NEK10: variants seen among roughly 807,000 people sequenced by gnomAD.
The protein encoded by NEK10 is NIMA related kinase 10.
Under a neutral mutation model 159.8 loss-of-function variants are expected in NEK10, and 122 were observed. The observed-to-expected ratio is 0.76, with a 90% CI of 0.66 to 0.89. The LOEUF is 0.89. NEK10 is among the 40% of genes least tolerant of loss of function. NEK10 has a pLI of 0.00. For synonymous variants in NEK10, 466 were observed against 457.1 expected, an observed-to-expected ratio of 1.02 and a Z score of -0.25; for missense variants, 1,342 against 1,323.1, an observed-to-expected ratio of 1.01 and a Z score of -0.22.
chr3:27,322,283 A>T (rs2045698080), intron 5 of NEK10, 22 bp from the exon 6 acceptor site: 1 of 1,406,212 alleles, frequency 7.1e-7, no homozygotes, highest in Non-Finnish European at 9.9e-7. Context: ...AAACAAGAGA[A>T]CATGTTCACG....
intron 23 of NEK10, among the ~76,000 whole-genome samples, chr3:27,252,385 T>C (rs1955759126): frequency 6.6e-6 from 1 of 152,186 alleles, no homozygotes; most frequent in South Asian, 2.1e-4. Flanking sequence ...AGGAGGAGTA[T>C]TTTGGAGATC....
At chr3:27,288,643 T>C (rs1010321655) in intron 19 of NEK10, among the ~76,000 whole-genome samples, 1 of 152,238 alleles carries the variant, frequency 6.6e-6, no homozygotes, top group Non-Finnish European at 1.5e-5. Context: ...TTTTAAAAAA[T>C]GGTGCAATTT....
intron 29 of NEK10, 128 bp from the exon 30 acceptor site, chr3:27,162,866 A>C: frequency 3.2e-6 from 4 of 1,243,098 alleles, no homozygotes; most frequent in Non-Finnish European, 4.5e-6. Flanking sequence ...AGATGCTCTC[A>C]AGAGTTTAAT....
intron 22 of NEK10, among the ~76,000 whole-genome samples, chr3:27,278,157 C>CAGGCTGTATTTTGCCACTGTTTT (rs1247501795): frequency 6.6e-6 from 1 of 152,234 alleles, no homozygotes; most frequent in Admixed American, 6.5e-5. Flanking sequence ...ATTTGTCCCA[C>CAGGCTGTATTTTGCCACTGTTTT]AGGCTGTATT....
At chr3:27,134,315 G>T (rs748425363) in intron 31 of NEK10, among the ~76,000 whole-genome samples, 1 of 152,180 alleles carries the variant, frequency 6.6e-6, no homozygotes, top group Non-Finnish European at 1.5e-5. Flanking sequence ...GCACAGGTTT[G>T]ATAATTCCCT....
intron 23 of NEK10, among the ~76,000 whole-genome samples, chr3:27,233,662 T>C (rs1953568703): frequency 6.6e-6 from 1 of 151,674 alleles, no homozygotes; most frequent in African/African-American, 2.4e-5. Context: ...AACCAACAAG[T>C]GGATAAAGAA....
At chr3:27,269,267 C>A (rs2041145596) in intron 22 of NEK10, among the ~76,000 whole-genome samples, 1 of 152,216 alleles carries the variant, frequency 6.6e-6, no homozygotes, top group Admixed American at 6.5e-5. Context: ...AGAGGATTGA[C>A]TCCAATTTTG....
At chr3:27,177,438 G>C (rs953397208) in intron 26 of NEK10, among the ~76,000 whole-genome samples, 4 of 151,916 alleles carry the variant, frequency 2.6e-5, no homozygotes, top group African/African-American at 9.7e-5. Flanking sequence ...CCAGCTACTC[G>C]GGAGGCTGAA....
intron 23 of NEK10, among the ~76,000 whole-genome samples, chr3:27,240,874 G>A (rs1168861331): frequency 3.3e-5 from 5 of 152,110 alleles, no homozygotes; most frequent in Admixed American, 6.5e-5. Flanking sequence ...GGCTGGTCTC[G>A]AACTCCTGAC....
At chr3:27,154,486 C>T (rs1945208898) in intron 30 of NEK10, among the ~76,000 whole-genome samples, 1 of 152,012 alleles carries the variant, frequency 6.6e-6, no homozygotes, top group Non-Finnish European at 1.5e-5. Context: ...CAGGATAGGA[C>T]ATAATCAAAA....
chr3:27,166,726 CA>C (rs1337135598), intron 29 of NEK10, among the ~76,000 whole-genome samples: 2 of 151,926 alleles, frequency 1.3e-5, no homozygotes, highest in Admixed American at 1.3e-4. Flanking sequence ...TTGGGAGGCC[CA>C]GGGGGGTGGA....
At chr3:27,255,907 AAAAGAG>A (rs1956121611) in intron 23 of NEK10, among the ~76,000 whole-genome samples, 1 of 152,200 alleles carries the variant, frequency 6.6e-6, no homozygotes, top group Non-Finnish European at 1.5e-5. Context: ...TTATAGGTAG[AAAAGAG>A]AAAAAGAGTC....
chr3:27,191,848 T>G (rs544387518), intron 26 of NEK10, among the ~76,000 whole-genome samples, 181 bp downstream of exon 26: 1 of 152,364 alleles, frequency 6.6e-6, no homozygotes, highest in South Asian at 2.1e-4. Context: ...GGAAGGTCAG[T>G]TATATTTATT....
intron 22 of NEK10, among the ~76,000 whole-genome samples, chr3:27,258,589 G>A (rs1190063473): frequency 6.6e-6 from 1 of 152,106 alleles, no homozygotes; most frequent in Non-Finnish European, 1.5e-5. Flanking sequence ...TGGTGTATAT[G>A]TGCCACATTT....
chr3:27,249,776 GT>G (rs1955467964), intron 23 of NEK10, among the ~76,000 whole-genome samples: 2 of 152,060 alleles, frequency 1.3e-5, no homozygotes, highest in Admixed American at 6.5e-5. Context: ...ATGTTTTCTG[GT>G]TGTTTTGGGG....
intron 26 of NEK10, among the ~76,000 whole-genome samples, chr3:27,181,697 AG>A (rs1002707746): frequency 3.0e-4 from 46 of 152,256 alleles, no homozygotes; most frequent in African/African-American, 1.0e-3. Flanking sequence ...TTTTGTTCAT[AG>A]CACTTAAATA....
At chr3:27,244,313 C>T (rs1399319762) in intron 23 of NEK10, among the ~76,000 whole-genome samples, 1 of 152,156 alleles carries the variant, frequency 6.6e-6, no homozygotes, top group African/African-American at 2.4e-5. Flanking sequence ...TTGAACATCC[C>T]CTAGCAGGGA....
At chr3:27,315,806 G>A (rs1304645606) in intron 6 of NEK10, among the ~76,000 whole-genome samples, 1 of 152,170 alleles carries the variant, frequency 6.6e-6, no homozygotes, top group Non-Finnish European at 1.5e-5. Flanking sequence ...GTGTTACGAG[G>A]CGCCAGAATA....
chr3:27,169,617 A>G (rs966476551), intron 29 of NEK10, among the ~76,000 whole-genome samples: 3 of 152,216 alleles, frequency 2.0e-5, no homozygotes, highest in African/African-American at 7.2e-5. Context: ...TGCATCTTTG[A>G]CTAAACAAGA....
Sources: gnomAD v4.1 joint callset for allele counts (sites outside exome capture counted in the v4.1 genomes callset) on GRCh38, gnomAD v4.1.1 for gene constraint, MANE v1.5 for transcripts, NCBI Gene and HGNC (gene_info 2026-07-23, HGNC 2026-07-21) for gene names.